The following PALD1 variants were observed in gnomAD, a reference collection of about 807,000 sequenced individuals.
PALD1 encodes phosphatase domain containing paladin 1.
PALD1 carries 57 observed loss-of-function variants against 96.0 expected under a neutral mutation model. The ratio of observed to expected loss-of-function variants is 0.59; its 90% CI spans 0.48 to 0.74. The LOEUF (loss-of-function observed/expected upper bound fraction) is 0.74. Among genes scored for constraint, PALD1 ranks in the 30% least tolerant of loss-of-function variants. The pLI is 0.00. For synonymous variants in PALD1, 464 were observed against 473.6 expected (o/e 0.98, Z 0.26); for missense variants, 1,063 against 1,143.7 (o/e 0.93, Z 1.02).
Position 70,482,073 on chromosome 10 carries a change from CCT to C in PALD1, c.-30+3015_-30+3016del, listed in dbSNP as rs571874175. Among the ~76,000 whole-genome samples, 269 of 152,296 alleles carry C rather than the reference CCT, an allele frequency of 1.8e-3. 2 individuals carry two copies. The highest frequency in any genetic ancestry group is 6.2e-3 in the African/African-American group (258 of 41,568). On this transcript the variant is annotated intron_variant, in intron 1 of 19. Coordinates refer to ENST00000263563, the MANE Select transcript of PALD1 (RefSeq NM_014431.3). ...GGGGGCCTTTGATTATGAGCCATCC[CCT>C]GTGGCCAGGACTCTGCAGGGCTTCC...
intron 1 of PALD1, among the ~76,000 whole-genome samples, chr10:70,488,195 C>T (rs1846043612): frequency 6.6e-6 from 1 of 151,846 alleles, no homozygotes; most frequent in East Asian, 1.9e-4. Context: ...AGGGTCGACT[C>T]ACTGCAGCCT....
At chr10:70,482,182 C>G (rs1845943967) in intron 1 of PALD1, among the ~76,000 whole-genome samples, 1 of 152,114 alleles carries the variant, frequency 6.6e-6, no homozygotes, top group Non-Finnish European at 1.5e-5. Flanking sequence ...CCTGTGAAAG[C>G]TGGAGGGCTT....
intron 1 of PALD1, among the ~76,000 whole-genome samples, chr10:70,504,625 T>C (rs780869526): frequency 3.9e-5 from 6 of 152,220 alleles, no homozygotes; most frequent in Admixed American, 6.5e-5. Flanking sequence ...AAAATAACTG[T>C]ATGTTCCAAA....
At position 70,536,405 on chromosome 10, in the gene PALD1, G is replaced by A. The variant is rs1039616661; in HGVS notation, c.1228-1406G>A. 1.2e-4 allele frequency among the ~76,000 whole-genome samples: 18 copies of A among 152,196 alleles called. 1 individual carries two copies. Among genetic ancestry groups the A allele is most frequent in the Non-Finnish European group, 2.9e-5 (2 of 68,038 alleles). On this transcript the variant is annotated intron_variant, in intron 10 of 19. Transcript: ENST00000263563. Reference sequence around the variant, plus strand: ...CACCCCTGCTGTGATTTACTAAACAGTCCCCCTCTTCTTGGACAATTGAGT... The same window carrying A: ...CACCCCTGCTGTGATTTACTAAACAATCCCCCTCTTCTTGGACAATTGAGT...
chr10:70,491,983 C>T (rs1165288644), intron 1 of PALD1, among the ~76,000 whole-genome samples: 2 of 152,110 alleles, frequency 1.3e-5, no homozygotes, highest in African/African-American at 2.4e-5. Flanking sequence ...TTTGTTTATT[C>T]GTTTATTATT....
intron 1 of PALD1, among the ~76,000 whole-genome samples, chr10:70,496,486 A>G (rs1427457006): frequency 6.6e-6 from 1 of 152,134 alleles, no homozygotes; most frequent in Non-Finnish European, 1.5e-5. Flanking sequence ...AGTCCTGCCT[A>G]TTCTTGAACT....
At chr10:70,500,058 A>G (rs1589177603) in intron 1 of PALD1, among the ~76,000 whole-genome samples, 2 of 152,090 alleles carry the variant, frequency 1.3e-5, no homozygotes, top group East Asian at 3.9e-4. Context: ...TGAAGCATAG[A>G]GAGGTGGAGC....
At position 70,539,655 on chromosome 10, in the gene PALD1, C is replaced by T; in HGVS notation, c.1801C>T (p.Gln601Ter). The change falls in exon 15 of 20, where the codon CAG becomes TAG. Residue 601 changes from glutamine to a stop codon, truncating the protein, a stop_gained. Transcript: ENST00000263563. LOFTEE classifies it high-confidence loss of function. This position sits in a 1 kb window ranked among gnomAD's most constrained non-coding sequence, Gnocchi z 4.5. ...GKEGPLTYRF[Q>*]TCLTMQEVFS... The stretch of plus-strand genomic sequence containing the variant: ...GGAGGGCCCCCTGACCTACAGGTTC[C>T]AGACCTGCCTTACCATGCAGGAGGT... 2 of 1,613,770 alleles carry T rather than the reference C, an allele frequency of 1.2e-6. No homozygotes were observed. The highest frequency in any genetic ancestry group is 1.1e-5 in the South Asian group (1 of 91,068).
intron 18 of PALD1, among the ~76,000 whole-genome samples, chr10:70,561,001 A>G (rs1847727822): frequency 6.6e-6 from 1 of 152,196 alleles, no homozygotes; most frequent in African/African-American, 2.4e-5. Flanking sequence ...CTCAAATCAC[A>G]GACCTGTGAT....
chr10:70,479,271 C>T (rs1845887271), intron 1 of PALD1, among the ~76,000 whole-genome samples: 1 of 152,194 alleles, frequency 6.6e-6, no homozygotes, highest in African/African-American at 2.4e-5. Flanking sequence ...GTGTGTTGGA[C>T]CCTGGGCTAC....
intron 17 of PALD1, among the ~76,000 whole-genome samples, chr10:70,546,130 G>A (rs751068809): frequency 2.0e-5 from 3 of 151,964 alleles, no homozygotes; most frequent in Non-Finnish European, 4.4e-5. Flanking sequence ...CCAGCTACTC[G>A]GGAGGCTGAG....
At chr10:70,481,345 A>C (rs1218391998) in intron 1 of PALD1, among the ~76,000 whole-genome samples, 1 of 152,228 alleles carries the variant, frequency 6.6e-6, no homozygotes, top group South Asian at 2.1e-4. Context: ...CAGTGCCCGG[A>C]AGTTGTCCTG....
chr10:70,520,422 A>G (rs553064505), intron 1 of PALD1, among the ~76,000 whole-genome samples: 1 of 152,350 alleles, frequency 6.6e-6, no homozygotes, highest in South Asian at 2.1e-4. Context: ...CAAGATATTT[A>G]GGAATCAGCT....
At chr10:70,561,852 GCCT>G (rs912692612) in intron 18 of PALD1, among the ~76,000 whole-genome samples, 3 of 152,138 alleles carry the variant, frequency 2.0e-5, no homozygotes, top group Non-Finnish European at 4.4e-5. Flanking sequence ...GCACCATTCT[GCCT>G]CCTCTCTGTA....
chr10:70,465,196 G>A, the PALD1 span, among the ~76,000 whole-genome samples: 643 of 151,500 alleles, frequency 4.2e-3, 4 homozygotes, highest in African/African-American at 0.014. Context: ...GGATGGTCTC[G>A]ATCTCCTGAC....
intron 1 of PALD1, among the ~76,000 whole-genome samples, chr10:70,480,814 C>G (rs1871595): frequency 0.79 from 119,521 of 152,214 alleles, 48,168 homozygotes; most frequent in East Asian, 0.94. Context: ...GGGGATGCCC[C>G]GTGTGGGCAG....
intron 1 of PALD1, among the ~76,000 whole-genome samples, chr10:70,487,894 G>T (rs975033016): frequency 1.3e-5 from 2 of 152,146 alleles, no homozygotes; most frequent in African/African-American, 2.4e-5. Context: ...CTCCCACCTT[G>T]GGCCCAGGCC....
intron 1 of PALD1, among the ~76,000 whole-genome samples, chr10:70,489,634 A>C (rs1846069312): frequency 6.6e-6 from 1 of 152,178 alleles, no homozygotes; most frequent in Non-Finnish European, 1.5e-5. Flanking sequence ...AGTGCTGCTC[A>C]AATGTGGGTA....
chr10:70,562,803 AGCAGGGTGG>A (rs1200392609), intron 18 of PALD1, among the ~76,000 whole-genome samples: 5 of 151,422 alleles, frequency 3.3e-5, no homozygotes, highest in Admixed American at 6.6e-5. Flanking sequence ...GGGTGGAAGG[AGCAGGGTGG>A]GCAGGGTGCC....
Sources: allele counts gnomAD v4.1 joint callset (sites outside exome capture counted in the v4.1 genomes callset), GRCh38; gene constraint gnomAD v4.1.1; non-coding constraint Gnocchi (gnomAD v3.1); transcripts MANE v1.5; gene names NCBI Gene and HGNC (gene_info 2026-07-23, HGNC 2026-07-21).